ACTR6: variants seen among roughly 807,000 people sequenced by gnomAD.
ACTR6 encodes actin-related protein 6.
Under a neutral mutation model 52.5 loss-of-function variants are expected in ACTR6, and 50 were observed. The observed-to-expected ratio is 0.95, with a 90% CI of 0.76 to 1.20. The LOEUF is 1.20. ACTR6 is among the 50% of genes most tolerant of loss of function. ACTR6 has a pLI of 0.00. For synonymous variants in ACTR6, 135 were observed against 147.2 expected (o/e 0.92, Z 0.60); for missense variants, 344 against 472.4 (o/e 0.73, Z 2.52).
chr12:100,217,003 G>T (rs956957133), intron 8 of ACTR6, among the ~76,000 whole-genome samples: 2 of 152,048 alleles, frequency 1.3e-5, no homozygotes, highest in Non-Finnish European at 2.9e-5. Flanking sequence ...GGTTATGAGT[G>T]GTAGTATCAT....
intron 2 of ACTR6, 147 bp from the exon 3 acceptor site, chr12:100,205,529 A>G (rs1358855184): frequency 8.6e-6 from 4 of 465,888 alleles, no homozygotes; most frequent in Non-Finnish European, 1.5e-5. Flanking sequence ...AAAGAAATTC[A>G]TACAGCATTA....
chr12:100,212,951 G>A (rs2096121023), intron 8 of ACTR6, among the ~76,000 whole-genome samples: 1 of 143,986 alleles, frequency 6.9e-6, no homozygotes, highest in South Asian at 2.2e-4. Context: ...AGGTTGCAGT[G>A]AGCTGAGATC....
Position 100,207,682 on chromosome 12 carries a change from A to G in ACTR6, c.275A>G (p.Asn92Ser), listed in dbSNP as rs778300845. 8.4e-6 allele frequency: 13 copies of G among 1,541,208 alleles called. No individual in the cohort carries two copies. The highest frequency in any genetic ancestry group is 1.4e-5 in the African/African-American group (1 of 73,056). The change falls in exon 4 of 11, where the codon AAT becomes AGT. Residue 92 changes from asparagine (N) to serine (S), a missense_variant. Transcript: ENST00000188312. Reference protein sequence around the residue: ...EMYQVDFLDTNIIITEPYFNF... With the variant: ...EMYQVDFLDTSIIITEPYFNF... ...CTATAGGTTGATTTTTTAGATACTA[A>G]TATTATTATCACTGAACCATACTTT...
At chr12:100,208,822 C>T (rs1330744267) in intron 4 of ACTR6, 1 of 452,678 alleles carries the variant, frequency 2.2e-6, no homozygotes, top group African/African-American at 2.0e-5. Context: ...ACATGGCTCA[C>T]TGTAGCCTCC....
intron 4 of ACTR6, chr12:100,208,810 A>C (rs2096117335): frequency 2.2e-6 from 1 of 453,828 alleles, no homozygotes; most frequent in Non-Finnish European, 4.4e-6. Context: ...GTGGTGGCAC[A>C]AACATGGCTC....
At chr12:100,213,531 T>C (rs919448080) in intron 8 of ACTR6, among the ~76,000 whole-genome samples, 9 of 152,266 alleles carry the variant, frequency 5.9e-5, no homozygotes, top group African/African-American at 2.2e-4. Context: ...AATCTGGAGA[T>C]AAACAGTATC....
intron 8 of ACTR6, among the ~76,000 whole-genome samples, chr12:100,212,993 C>G (rs138181845): frequency 1.6e-5 from 2 of 126,294 alleles, no homozygotes; most frequent in African/African-American, 3.3e-5. Flanking sequence ...GGCAACACAG[C>G]GAGACTCTGT....
chr12:100,216,246 C>A (rs1471167969), intron 8 of ACTR6, among the ~76,000 whole-genome samples: 1 of 152,242 alleles, frequency 6.6e-6, no homozygotes, highest in Non-Finnish European at 1.5e-5. Flanking sequence ...GCTTTGACCT[C>A]TCAGGCTCAA....
intron 2 of ACTR6, 37 bp from the exon 3 acceptor site, chr12:100,205,639 T>G (rs767479530): frequency 8.4e-7 from 1 of 1,193,264 alleles, no homozygotes; most frequent in South Asian, 1.6e-5. Context: ...ATTATTCAAA[T>G]GTTCTTGATA....
intron 3 of ACTR6, 54 bp from the exon 4 acceptor site, chr12:100,207,607 CAA>C: frequency 6.7e-6 from 9 of 1,338,146 alleles, no homozygotes; most frequent in South Asian, 6.1e-5. Context: ...ACATGTAAAA[CAA>C]GTGTTAATTA....
intron 8 of ACTR6, among the ~76,000 whole-genome samples, chr12:100,215,904 G>C (rs1336110745): frequency 6.6e-6 from 1 of 152,072 alleles, no homozygotes; most frequent in Non-Finnish European, 1.5e-5. Context: ...TTTTTAAGTA[G>C]CTGGGGGAAG....
intron 3 of ACTR6, among the ~76,000 whole-genome samples, chr12:100,206,608 C>T (rs942679502): frequency 9.2e-5 from 14 of 151,966 alleles, no homozygotes; most frequent in Non-Finnish European, 2.9e-5. Context: ...TCCGCCCAAG[C>T]GTGAGCTACC....
At chr12:100,205,555 C>G (rs1403148603) in intron 2 of ACTR6, 121 bp from the exon 3 acceptor site, 1 of 615,230 alleles carries the variant, frequency 1.6e-6, no homozygotes, top group Non-Finnish European at 2.6e-6. Context: ...GAAATGGTAA[C>G]CATAGATAGA....
chr12:100,213,600 T>A (rs549497249), intron 8 of ACTR6, among the ~76,000 whole-genome samples: 4 of 152,232 alleles, frequency 2.6e-5, no homozygotes, highest in Non-Finnish European at 4.4e-5. Context: ...TAAATTGAGT[T>A]AGAAATTGGT....
At chr12:100,210,398 A>C (rs1464232813) in intron 6 of ACTR6, 47 bp downstream of exon 6, 1 of 1,553,684 alleles carries the variant, frequency 6.4e-7, no homozygotes, top group Admixed American at 1.7e-5. Flanking sequence ...TCTGGGGAGG[A>C]ACCTTTTACA....
chr12:100,204,140 A>C (rs2096112401), intron 1 of ACTR6: 1 of 152,194 alleles, frequency 6.6e-6, no homozygotes. Flanking sequence ...GAACTTTAAA[A>C]AAAAATGGGG....
At chr12:100,221,562 A>G (rs2096128318) in intron 10 of ACTR6, 2 of 152,072 alleles carry the variant, frequency 1.3e-5, no homozygotes, top group African/African-American at 2.4e-5. Context: ...CTGCTTTTAT[A>G]TATGTATAAA....
intron 1 of ACTR6, chr12:100,203,645 CTT>C (rs1165148598): frequency 2.6e-4 from 25 of 97,940 alleles, no homozygotes; most frequent in African/African-American, 8.5e-4. Flanking sequence ...ACTTGTGAAT[CTT>C]TTTTTTTTTT....
chr12:100,222,980 C>T (rs1002654365), intron 10 of ACTR6, among the ~76,000 whole-genome samples: 4 of 152,162 alleles, frequency 2.6e-5, no homozygotes, highest in Non-Finnish European at 5.9e-5. Flanking sequence ...TGAGTTAAAT[C>T]CTAGTTCCAG....
Sources: gnomAD v4.1 joint callset for allele counts (sites outside exome capture counted in the v4.1 genomes callset) on GRCh38, gnomAD v4.1.1 for gene constraint, MANE v1.5 for transcripts, NCBI Gene and HGNC (gene_info 2026-07-23, HGNC 2026-07-21) for gene names.